The following EIF2S1 variants were observed in gnomAD, a reference collection of about 807,000 sequenced individuals.
The protein encoded by EIF2S1 is eukaryotic translation initiation factor 2 subunit alpha.
EIF2S1 carries 5 observed loss-of-function variants against 33.5 expected under a neutral mutation model. The observed-to-expected ratio is 0.15, with a 90% confidence interval of 0.08 to 0.31. The LOEUF (loss-of-function observed/expected upper bound fraction) is 0.31. Ranked by LOEUF, EIF2S1 falls within the 10% of genes least tolerant of loss-of-function variation. EIF2S1 has a pLI of 1.00. For synonymous variants in EIF2S1, 99 were observed against 127.5 expected, an observed-to-expected ratio of 0.78 and a Z score of 1.51; for missense variants, 191 against 384.6, an observed-to-expected ratio of 0.50 and a Z score of 4.21.
chr14:67,368,840 T>C (rs2085798853), intron 2 of EIF2S1, among the ~76,000 whole-genome samples: 1 of 151,656 alleles, frequency 6.6e-6, no homozygotes, highest in Admixed American at 6.6e-5. Context: ...CTGGGCAACA[T>C]AGTGAAACTA....
At chr14:67,370,230 C>T (rs1237103014) in intron 2 of EIF2S1, among the ~76,000 whole-genome samples, 5 of 152,164 alleles carry the variant, frequency 3.3e-5, no homozygotes, top group Admixed American at 6.5e-5. Context: ...CCAGCTTGGG[C>T]GTTAGGACCA....
intron 3 of EIF2S1, 127 bp downstream of exon 3, chr14:67,374,674 G>T (rs2085847082): frequency 5.3e-6 from 3 of 562,586 alleles, no homozygotes; most frequent in Non-Finnish European, 5.7e-6. Flanking sequence ...ATTAGTACTA[G>T]AAGTGTTTTG....
intron 2 of EIF2S1, among the ~76,000 whole-genome samples, chr14:67,367,210 C>A (rs1407655365): frequency 6.6e-6 from 1 of 152,212 alleles, no homozygotes; most frequent in Non-Finnish European, 1.5e-5. Flanking sequence ...CAGATTCTGA[C>A]TGCCTGCTAA....
chr14:67,365,041 C>A, intron 2 of EIF2S1, 33 bp downstream of exon 2: 1 of 1,537,056 alleles, frequency 6.5e-7, no homozygotes, highest in South Asian at 1.3e-5. Context: ...ATATAAATTT[C>A]AGATTTAAAA....
rs772595085 is a variant in EIF2S1, at chr14:67,383,301, CT to C, written c.823-13del. 1.2e-6 allele frequency: 2 copies of C among 1,611,702 alleles called. No individual in the cohort carries two copies. Among genetic ancestry groups the C allele is most frequent in the Non-Finnish European group, 1.7e-6 (2 of 1,178,388 alleles). On this transcript the variant is annotated splice_polypyrimidine_tract_variant and intron_variant, in intron 7 of 7. Coordinates refer to ENST00000256383, the MANE Select transcript of EIF2S1 (RefSeq NM_004094.5). ...TTACTACTTCAGTTTGAAATTATACCTCTGCTTCCACAGCCCAAAGTGGTCA... is the reference window on the plus strand; with the variant it reads ...TTACTACTTCAGTTTGAAATTATACCCTGCTTCCACAGCCCAAAGTGGTCA...
chr14:67,376,507 A>G lies in EIF2S1; in HGVS notation c.390A>G (p.Leu130=). The change falls in exon 4 of 8, where the codon CTA becomes CTG. Residue 130 remains leucine, a synonymous_variant. Coordinates refer to ENST00000256383, the MANE Select transcript of EIF2S1 (RefSeq NM_004094.5). ...CCAAGGATGAGCAGCTGGAAAGCCT[A>G]TTCCAGAGGACTGCCTGGGTCTTTG... ...EYTKDEQLES[L]FQRTAWVFDD... The G allele has an allele frequency of 1.2e-6, 2 of 1,614,068 alleles. No homozygotes were observed. Among genetic ancestry groups the G allele is most frequent in the South Asian group, 1.1e-5 (1 of 91,076 alleles).
intron 2 of EIF2S1, among the ~76,000 whole-genome samples, chr14:67,365,861 A>AT (rs901261410): frequency 2.6e-5 from 4 of 151,930 alleles, no homozygotes; most frequent in East Asian, 1.9e-4. Context: ...TGACATTTTA[A>AT]TTTTTTTTAT....
chr14:67,360,352 C>G lies in EIF2S1; in HGVS notation c.-106C>G, dbSNP rs748411353. On this transcript the variant is annotated 5_prime_UTR_variant, in exon 1 of 8. Transcript: ENST00000256383. ...CATGCGCGGTGGAGTGAGCGAAGCG[C>G]ACGCTGAGGAGGATCGGCGGCCGGT... The G allele has an allele frequency of 1.5e-4, 59 of 397,456 alleles. No homozygotes were observed. Among genetic ancestry groups the G allele is most frequent in the Middle Eastern group, 6.3e-4 (1 of 1,586 alleles). 24.6% of individuals were successfully genotyped at this position (397,456 alleles called of 1,614,324 possible).
At chr14:67,382,103 C>T (rs1189288814) in intron 6 of EIF2S1, among the ~76,000 whole-genome samples, 1 of 151,988 alleles carries the variant, frequency 6.6e-6, no homozygotes, top group Non-Finnish European at 1.5e-5. Flanking sequence ...AGGATTCTTC[C>T]ATCAGTTTAG....
In EIF2S1 at chr14:67,368,206, C is replaced by T. The variant is rs939392976; in HGVS notation, c.241+3198C>T. 4.6e-5 allele frequency among the ~76,000 whole-genome samples: 7 copies of T among 152,166 alleles called. No homozygotes were observed. The East Asian group carries it at 9.6e-4, about 21-fold the overall frequency. ...CTGCAGGAAAAGCAAGGCAGAGCAG[C>T]GTAAACGGCTTGCAGTTGGCTAGTT... On this transcript the variant is annotated intron_variant, in intron 2 of 7. Transcript: ENST00000256383.
chr14:67,367,718 C>T (rs1029165504), intron 2 of EIF2S1, among the ~76,000 whole-genome samples: 1 of 150,436 alleles, frequency 6.6e-6, no homozygotes, highest in African/African-American at 2.5e-5. Context: ...ACCCTGTAGT[C>T]CCAGCTTCTC....
chr14:67,360,716 C>T (rs920272901), intron 1 of EIF2S1: 1 of 152,982 alleles, frequency 6.5e-6, no homozygotes, highest in African/African-American at 2.4e-5. Context: ...GATTGTACAG[C>T]CTCTACAATA....
intron 2 of EIF2S1, among the ~76,000 whole-genome samples, chr14:67,365,763 C>T (rs2085772649): frequency 6.6e-6 from 1 of 152,188 alleles, no homozygotes; most frequent in Non-Finnish European, 1.5e-5. Flanking sequence ...TATCAGTCAC[C>T]TTGATTCAAC....
At chr14:67,379,543 C>T (rs2085874621) in intron 4 of EIF2S1, among the ~76,000 whole-genome samples, 1 of 152,136 alleles carries the variant, frequency 6.6e-6, no homozygotes, top group Admixed American at 6.5e-5. Context: ...AAAGTTCCCT[C>T]CACCCAAATT....
At chr14:67,363,238 G>C (rs74058411) in intron 1 of EIF2S1, among the ~76,000 whole-genome samples, 1 of 150,320 alleles carries the variant, frequency 6.7e-6, no homozygotes, top group Non-Finnish European at 1.5e-5. Context: ...GTTTAAAAAC[G>C]AAACAAACAG....
chr14:67,375,572 T>G (rs2085853389), intron 3 of EIF2S1, among the ~76,000 whole-genome samples: 1 of 152,080 alleles, frequency 6.6e-6, no homozygotes, highest in Non-Finnish European at 1.5e-5. Context: ...TAAAAAATCT[T>G]GCTTAATCCC....
rs77103399 is a variant in EIF2S1 at position 67,370,882 on chromosome 14, A to T, written c.242-3586A>T. 4.2e-3 allele frequency among the ~76,000 whole-genome samples: 643 copies of T among 152,030 alleles called. 1 individual carries two copies. Among genetic ancestry groups the T allele is most frequent in the Non-Finnish European group, 7.4e-3 (505 of 67,956 alleles). On this transcript the variant is annotated intron_variant, in intron 2 of 7. Coordinates refer to ENST00000256383, the MANE Select transcript of EIF2S1 (RefSeq NM_004094.5). ...TCTACAGAAAGTAGAAAAATTACCC[A>T]GGCATGGTGTTGTGCACCTCTAGTC...
At chr14:67,381,479 T>C in intron 5 of EIF2S1, 114 bp from the exon 6 acceptor site, 2 of 730,068 alleles carry the variant, frequency 2.7e-6, no homozygotes, top group Non-Finnish European at 2.3e-6. Context: ...TATAGAGAGG[T>C]TGGATTCAGT....
chr14:67,362,836 CT>C (rs1236889060), intron 1 of EIF2S1, among the ~76,000 whole-genome samples: 2 of 152,070 alleles, frequency 1.3e-5, no homozygotes, highest in Non-Finnish European at 2.9e-5. Context: ...GGTATGGATT[CT>C]TTTTGTACTT....
Sources: gnomAD v4.1 joint callset for allele counts (sites outside exome capture counted in the v4.1 genomes callset) on GRCh38, gnomAD v4.1.1 for gene constraint, MANE v1.5 for transcripts, NCBI Gene and HGNC (gene_info 2026-07-23, HGNC 2026-07-21) for gene names.